Variants in DIAPH1 observed in about 807,000 individuals in gnomAD.
The protein encoded by DIAPH1 is diaphanous related formin 1.
A neutral mutation model predicts 140.7 loss-of-function variants in DIAPH1; 46 were observed. The ratio of observed to expected loss-of-function variants is 0.33; its 90% CI spans 0.26 to 0.42. The LOEUF is 0.42. Among genes scored for constraint, DIAPH1 ranks in the 10% least tolerant of loss-of-function variants. The pLI is 1.00. For synonymous variants in DIAPH1, 565 were observed against 551.6 expected (o/e 1.02, Z -0.34); for missense variants, 1,310 against 1,558.7 (o/e 0.84, Z 2.69).
chr5:141,576,205 C>T, intron 14 of DIAPH1, 25 bp downstream of exon 14: 1 of 1,540,168 alleles, frequency 6.5e-7, no homozygotes, highest in Admixed American at 1.7e-5. Context: ...TACTCAAACA[C>T]ATGTCTTTGG....
intron 1 of DIAPH1, among the ~76,000 whole-genome samples, chr5:141,609,162 T>C (rs1342820650): frequency 1.1e-5 from 1 of 90,716 alleles, no homozygotes; most frequent in Non-Finnish European, 2.2e-5. Flanking sequence ...TCTAAATTAC[T>C]AAATGCAAAA....
At chr5:141,592,515 AAC>A (rs375748056) in intron 1 of DIAPH1, among the ~76,000 whole-genome samples, 7,572 of 152,208 alleles carry the variant, frequency 0.05, 257 homozygotes, top group African/African-American at 0.092. Context: ...CAACAACAAC[AAC>A]AACAAAAACA....
In DIAPH1 at chr5:141,618,929, TGG is replaced by T; in HGVS notation, c.-17_-16del. ...GGCGGCTCCATGTCCCGGTTCACGC[TGG>T]CCGGCGACCCCGCGCCTACGCCGCT... On this transcript the variant is annotated 5_prime_UTR_variant, in exon 1 of 28. Coordinates refer to ENST00000389054, the MANE Select transcript of DIAPH1 (RefSeq NM_005219.5). The T allele has an allele frequency of 6.9e-7, 1 of 1,452,342 alleles. No homozygotes were observed. Among genetic ancestry groups the T allele is most frequent in the South Asian group, 1.3e-5 (1 of 76,050 alleles). 90.0% of individuals were successfully genotyped at this position (1,452,342 alleles called of 1,614,324 possible).
chr5:141,516,757 C>A lies in DIAPH1; in HGVS notation c.*94G>T. On this transcript the variant is annotated 3_prime_UTR_variant, in exon 28 of 28. Coordinates refer to ENST00000389054, the MANE Select transcript of DIAPH1 (RefSeq NM_005219.5). ...GGTCAGGGTGGTGGGAGTGGCCACC[C>A]CAGAGGAATATCCCCTTGAGCCTTT... 1 of 1,480,720 alleles carries A rather than the reference C, an allele frequency of 6.8e-7. No homozygotes were observed. Among genetic ancestry groups the A allele is most frequent in the Non-Finnish European group, 9.3e-7 (1 of 1,070,898 alleles). 91.7% of individuals were successfully genotyped at this position (1,480,720 alleles called of 1,614,324 possible). A position where few individuals can be genotyped will look rare whatever the true frequency, so the allele number is the denominator to read the frequency against.
Position 141,516,935 on chromosome 5 carries a change from A to G in DIAPH1, c.3735T>C (p.Ala1245=). The stretch of plus-strand genomic sequence containing the variant: ...TGTTCTTGGACACCTTGGCAGGAAC[A>G]GCAGCCATGGCATCATCCTTGGTCA... ...SELTKDDAMA[A]VPAKVSKNSE... The change falls in exon 28 of 28, where the codon GCT becomes GCC. Residue 1245 remains alanine, a synonymous_variant. Coordinates refer to ENST00000389054, the MANE Select transcript of DIAPH1 (RefSeq NM_005219.5). 1 of 1,614,274 alleles carries G rather than the reference A, an allele frequency of 6.2e-7. No homozygotes were observed. The highest frequency in any genetic ancestry group is 8.5e-7 in the Non-Finnish European group (1 of 1,180,054).
chr5:141,548,229 G>A (rs2099891119), intron 18 of DIAPH1, among the ~76,000 whole-genome samples: 1 of 149,718 alleles, frequency 6.7e-6, no homozygotes, highest in Admixed American at 6.7e-5. Flanking sequence ...AGCAGGGGGT[G>A]GAACATATTA....
chr5:141,538,909 A>C (rs2099889513), intron 18 of DIAPH1, among the ~76,000 whole-genome samples: 1 of 152,152 alleles, frequency 6.6e-6, no homozygotes, highest in Non-Finnish European at 1.5e-5. Flanking sequence ...AATTCATAAA[A>C]AATATTGCTC....
chr5:141,581,647 C>CAA (rs918820575), intron 7 of DIAPH1, among the ~76,000 whole-genome samples: 2 of 151,354 alleles, frequency 1.3e-5, no homozygotes, highest in African/African-American at 4.9e-5. Flanking sequence ...ACTAAACAGA[C>CAA]AAAAAGAAGA....
rs1432073177 is a variant in DIAPH1 at position 141,618,877 on chromosome 5, C to A, written c.38G>T (p.Gly13Val). 7.9e-6 allele frequency: 12 copies of A among 1,521,648 alleles called. No individual in the cohort carries two copies. In the East Asian group the frequency reaches 3.3e-4, roughly 41 times the overall value. The allele number at this position is 1,521,648 out of a possible 1,614,324, so 94.3% of individuals were successfully genotyped here. ...CCGGCCCTTCTTCTTGTCCCGGGTC[C>A]CGCGGCCGGGCCCCAGGCTCCCGCC... ...PPGGSLGPGRGTRDKKKGRSP... is the reference protein window; with the variant it reads ...PPGGSLGPGRVTRDKKKGRSP... Residue 13 changes from glycine to valine, a missense_variant, in exon 1 of 28, where the codon GGG (glycine) becomes GTG (valine). Gly to Val is a moderately radical substitution (Grantham distance 109). Coordinates refer to ENST00000389054, the MANE Select transcript of DIAPH1 (RefSeq NM_005219.5).
chr5:141,527,893 C>T (rs1437496993), intron 23 of DIAPH1, among the ~76,000 whole-genome samples, 196 bp from the exon 24 acceptor site: 3 of 152,044 alleles, frequency 2.0e-5, no homozygotes, highest in Non-Finnish European at 4.4e-5. Flanking sequence ...TCCAGTGAAA[C>T]TATAAATTAT....
intron 18 of DIAPH1, among the ~76,000 whole-genome samples, chr5:141,552,064 C>G (rs1338193771): frequency 1.3e-5 from 2 of 152,298 alleles, no homozygotes; most frequent in East Asian, 3.9e-4. Flanking sequence ...TTCCCACAAT[C>G]TGGGAATATT....
intron 18 of DIAPH1, among the ~76,000 whole-genome samples, chr5:141,547,455 C>T (rs577170973): frequency 4.7e-5 from 7 of 150,344 alleles, no homozygotes; most frequent in South Asian, 2.1e-4. Context: ...ACAGAGACTC[C>T]GCCTCAAAAA....
intron 1 of DIAPH1, among the ~76,000 whole-genome samples, chr5:141,592,872 G>C (rs937193246): frequency 6.6e-6 from 1 of 152,106 alleles, no homozygotes; most frequent in African/African-American, 2.4e-5. Flanking sequence ...AGATTAATAG[G>C]AACTTTCAGG....
At chr5:141,616,984 GT>G (rs1326757580) in intron 1 of DIAPH1, among the ~76,000 whole-genome samples, 3 of 152,126 alleles carry the variant, frequency 2.0e-5, no homozygotes, top group African/African-American at 4.8e-5. Flanking sequence ...GACTTCACAA[GT>G]TCGTGAAATA....
chr5:141,562,285 A>T (rs2099893669), intron 18 of DIAPH1, among the ~76,000 whole-genome samples: 1 of 152,208 alleles, frequency 6.6e-6, no homozygotes, highest in African/African-American at 2.4e-5. Context: ...TCATTATAAA[A>T]GTAATGCCTG....
chr5:141,575,667 A>G (rs918451468), intron 14 of DIAPH1, among the ~76,000 whole-genome samples: 9 of 151,988 alleles, frequency 5.9e-5, no homozygotes, highest in Non-Finnish European at 1.5e-5. Context: ...AACAAATAAA[A>G]ATAAAAATGA....
Position 141,576,831 on chromosome 5 carries a change from T to C in DIAPH1, c.1321A>G (p.Ile441Val). 6.2e-7 allele frequency: 1 copy of C among 1,613,858 alleles called. No individual in the cohort carries two copies. The highest frequency in any genetic ancestry group is 8.5e-7 in the Non-Finnish European group (1 of 1,179,762). Reference sequence around the variant, plus strand: ...TCAGCCCCGTTCTTGTGCAGAACTATCTGGGAAATACATTCTTCAATCAAC... The same window carrying C: ...TCAGCCCCGTTCTTGTGCAGAACTACCTGGGAAATACATTCTTCAATCAAC... ...YKLIEECISQ[I>V]VLHKNGADPD... The change falls in exon 13 of 28, where the codon ATA becomes GTA. Residue 441 changes from isoleucine (I) to valine (V), a missense_variant. By Grantham distance (29) the Ile-to-Val change is conservative (BLOSUM62 3). Around this residue, in one of 3 missense-constraint regions of DIAPH1, gnomAD observed 589 missense variants for 549.3 expected, o/e 1.07. Coordinates refer to ENST00000389054, the MANE Select transcript of DIAPH1 (RefSeq NM_005219.5).
rs1562311065 is a variant in DIAPH1, at chr5:141,561,441, G to A, written c.2482+9987C>T. Among the ~76,000 whole-genome samples the A allele has an allele frequency of 2.0e-5, 3 of 150,556 alleles. No individual in the cohort carries two copies. In the South Asian group the frequency reaches 6.4e-4, roughly 32 times the overall value. On this transcript the variant is annotated intron_variant, in intron 18 of 27. Transcript: ENST00000389054. ...AGTGAAGTAAAGGATACTGTTACTT[G>A]CTTTATAGAACTGAATGCTAGTACT... is the stretch of plus-strand genomic sequence containing the variant.
At chr5:141,523,231 C>T (rs749366660) in intron 27 of DIAPH1, among the ~76,000 whole-genome samples, 5 of 152,250 alleles carry the variant, frequency 3.3e-5, no homozygotes, top group African/African-American at 4.8e-5. Flanking sequence ...ATTTAAGTCC[C>T]TCTGAAGTAG....
Sources: allele counts gnomAD v4.1 joint callset (sites outside exome capture counted in the v4.1 genomes callset), GRCh38; gene constraint gnomAD v4.1.1; regional missense constraint gnomAD v4.1.1; transcripts MANE v1.5; gene names NCBI Gene and HGNC (gene_info 2026-07-23, HGNC 2026-07-21).